The following SEPTIN14 variants were observed in gnomAD, a reference collection of about 807,000 sequenced individuals.
SEPTIN14 encodes the protein septin-14.
A neutral mutation model predicts 53.6 loss-of-function variants in SEPTIN14; 40 were observed. The observed-to-expected ratio is 0.75, with a 90% CI of 0.58 to 0.97. SEPTIN14 has a LOEUF of 0.97. SEPTIN14 is among the 50% of genes least tolerant of loss of function. SEPTIN14 has a pLI of 0.00. For missense variants in SEPTIN14, 471 were observed against 508.2 expected, an observed-to-expected ratio of 0.93 and a Z score of 0.70; for synonymous variants, 138 against 166.8, an observed-to-expected ratio of 0.83 and a Z score of 1.33.
At chr7:55,842,318 G>T in intron 5 of SEPTIN14, among the ~76,000 whole-genome samples, 1 of 152,070 alleles carries the variant, frequency 6.6e-6, no homozygotes, top group East Asian at 1.9e-4. Flanking sequence ...CATCATGAAA[G>T]GTTGAGACCA....
rs71015108 is a variant in SEPTIN14 at position 55,830,349 on chromosome 7, A to ATATATTT, written c.720+4075_720+4076insAAATATA. 2.8e-3 allele frequency among the ~76,000 whole-genome samples: 157 copies of ATATATTT among 56,806 alleles called. 3 individuals carry two copies. The highest frequency in any genetic ancestry group is 3.6e-3 in the Non-Finnish European group (128 of 35,996). The allele number at this position is 56,806 out of a possible 152,430, so 37.3% of individuals were successfully genotyped here. ...TATATATATATATATATATATATATATTTTTTTTTTTTTTTGAGACGGAGT... is the reference window on the plus strand; with the variant it reads ...TATATATATATATATATATATATATATATATTTTTTTTTTTTTTTTTTGAGACGGAGT... On this transcript the variant is annotated intron_variant, in intron 6 of 9. Coordinates refer to ENST00000388975, the MANE Select transcript of SEPTIN14 (RefSeq NM_207366.3).
chr7:55,803,478 CA>C (rs1354729597), intron 9 of SEPTIN14, among the ~76,000 whole-genome samples: 1 of 151,972 alleles, frequency 6.6e-6, no homozygotes. Context: ...AAAAGTAAAT[CA>C]GTACAGCTAT....
chr7:55,821,976 G>A (rs1208080992), intron 6 of SEPTIN14, among the ~76,000 whole-genome samples: 3 of 152,120 alleles, frequency 2.0e-5, no homozygotes, highest in African/African-American at 7.2e-5. Flanking sequence ...ACATGGCAGC[G>A]GCAAGAGAAA....
At chr7:55,804,501 C>T (rs567183235) in intron 9 of SEPTIN14, among the ~76,000 whole-genome samples, 10 of 152,156 alleles carry the variant, frequency 6.6e-5, no homozygotes, top group African/African-American at 2.2e-4. Flanking sequence ...TTAGGGGATC[C>T]GCCCGCCTCC....
At chr7:55,847,189 C>A (rs972889958) in intron 2 of SEPTIN14, among the ~76,000 whole-genome samples, 1 of 151,866 alleles carries the variant, frequency 6.6e-6, no homozygotes, top group African/African-American at 2.4e-5. Flanking sequence ...GCCTGGGTGA[C>A]AGAGTGAAAC....
intron 2 of SEPTIN14, among the ~76,000 whole-genome samples, chr7:55,848,304 T>C (rs1314206115): frequency 2.6e-5 from 4 of 151,980 alleles, no homozygotes; most frequent in African/African-American, 2.4e-5. Flanking sequence ...TGGGACTACA[T>C]GCATGCGCCA....
chr7:55,804,741 T>A (rs554604344), intron 9 of SEPTIN14, among the ~76,000 whole-genome samples: 1 of 152,200 alleles, frequency 6.6e-6, no homozygotes, highest in East Asian at 1.9e-4. Context: ...TTCAAAAATA[T>A]GTCTTCACCA....
intron 9 of SEPTIN14, chr7:55,798,657 C>A: frequency 3.2e-6 from 1 of 315,950 alleles, no homozygotes; most frequent in East Asian, 9.1e-5. Flanking sequence ...CAAGCGGCAC[C>A]AGGCTCTGGC....
chr7:55,817,148 G>A (rs1288659668), intron 7 of SEPTIN14, among the ~76,000 whole-genome samples: 9 of 152,066 alleles, frequency 5.9e-5, no homozygotes, highest in Non-Finnish European at 1.3e-4. Context: ...AAAAAGTGTG[G>A]CATATATACG....
chr7:55,843,177 G>C lies in SEPTIN14; in HGVS notation c.372-49C>G, dbSNP rs191040847. ...GCATAACAGACTAATAAAATCTAAAGCCTGCTTTTTGACCACTTAATGAGC... is the reference window on the plus strand; with the variant it reads ...GCATAACAGACTAATAAAATCTAAACCCTGCTTTTTGACCACTTAATGAGC... On this transcript the variant is annotated intron_variant, in intron 4 of 9. Transcript: ENST00000388975. 10 of 1,242,706 alleles carry C rather than the reference G, an allele frequency of 8.0e-6. No homozygotes were observed. In the African/African-American group the frequency reaches 1.5e-4, roughly 19 times the overall value. 77.0% of individuals were successfully genotyped at this position (1,242,706 alleles called of 1,614,324 possible).
At chr7:55,796,474 G>C (rs990644912) in intron 9 of SEPTIN14, among the ~76,000 whole-genome samples, 1 of 151,904 alleles carries the variant, frequency 6.6e-6, no homozygotes, top group African/African-American at 2.4e-5. Flanking sequence ...TGTTGGCCAG[G>C]CTGGTCTTGA....
At chr7:55,858,380 A>G (rs1789683775) in intron 2 of SEPTIN14, among the ~76,000 whole-genome samples, 1 of 152,214 alleles carries the variant, frequency 6.6e-6, no homozygotes, top group Non-Finnish European at 1.5e-5. Context: ...GAGATATTGC[A>G]AGAGACATAC....
In SEPTIN14 at chr7:55,858,000, T is replaced by C. The variant is rs554858736; in HGVS notation, c.54+3943A>G. Among the ~76,000 whole-genome samples, 11 of 152,222 alleles carry C rather than the reference T, an allele frequency of 7.2e-5. No homozygotes were observed. In the East Asian group the frequency reaches 1.4e-3, roughly 19 times the overall value. Reference sequence around the variant, plus strand: ...TTGATAGGACTCTGAAAAAAAAATATCTCTCTCAAGTTACAGAACTGGGAC... The same window carrying C: ...TTGATAGGACTCTGAAAAAAAAATACCTCTCTCAAGTTACAGAACTGGGAC... On this transcript the variant is annotated intron_variant, in intron 2 of 9. Transcript: ENST00000388975.
chr7:55,846,065 G>GTGTATATATATATATATATA (rs1789398723), intron 3 of SEPTIN14, among the ~76,000 whole-genome samples: 1 of 39,758 alleles, frequency 2.5e-5, no homozygotes, highest in Non-Finnish European at 5.3e-5. Context: ...AAAAAAAAAA[G>GTGTATATATATATATATATA]TATATATATA....
intron 6 of SEPTIN14, among the ~76,000 whole-genome samples, chr7:55,824,612 A>T (rs1417518016): frequency 7.7e-6 from 1 of 129,312 alleles, no homozygotes; most frequent in South Asian, 2.7e-4. Flanking sequence ...GTGAAACCCC[A>T]TCTCTACTAA....
At chr7:55,852,927 A>G (rs1338240393) in intron 2 of SEPTIN14, among the ~76,000 whole-genome samples, 1 of 152,210 alleles carries the variant, frequency 6.6e-6, no homozygotes, top group Non-Finnish European at 1.5e-5. Flanking sequence ...GCAAACAGGT[A>G]TATAAAAAGG....
intron 2 of SEPTIN14, among the ~76,000 whole-genome samples, chr7:55,852,271 T>A (rs1192374096): frequency 6.6e-6 from 1 of 152,148 alleles, no homozygotes; most frequent in Non-Finnish European, 1.5e-5. Flanking sequence ...GGAATCACAT[T>A]ACTTGACTTC....
At chr7:55,802,550 GA>G (rs143926281) in intron 9 of SEPTIN14, among the ~76,000 whole-genome samples, 5 of 143,956 alleles carry the variant, frequency 3.5e-5, no homozygotes, top group South Asian at 2.3e-4. Context: ...ACCACATGCA[GA>G]AAAAAAAATT....
rs111706246 is a variant in SEPTIN14, at chr7:55,861,335, T to TA, written c.54+607dup. Among the ~76,000 whole-genome samples, 111 of 151,130 alleles carry TA rather than the reference T, an allele frequency of 7.3e-4. 1 individual carries two copies. The East Asian group carries it at 0.01, about 14-fold the overall frequency. On this transcript the variant is annotated intron_variant, in intron 2 of 9. Coordinates refer to ENST00000388975, the MANE Select transcript of SEPTIN14 (RefSeq NM_207366.3). ...CCACATGGTGAAACCCTGTTTCTACTAAAAAAAAATCCAAAAGTTAGCCAG... is the reference window on the plus strand; with the variant it reads ...CCACATGGTGAAACCCTGTTTCTACTAAAAAAAAAATCCAAAAGTTAGCCAG...
Sources: gnomAD v4.1 joint callset for allele counts (sites outside exome capture counted in the v4.1 genomes callset) on GRCh38, gnomAD v4.1.1 for gene constraint, MANE v1.5 for transcripts, NCBI Gene and HGNC (gene_info 2026-07-23, HGNC 2026-07-21) for gene names.